PLAAT3: variants seen among roughly 807,000 people sequenced by gnomAD.
PLAAT3 encodes the protein Ca-independent phospholipase A1/2.
PLAAT3 carries 21 observed loss-of-function variants against 16.7 expected under a neutral mutation model. The ratio of observed to expected loss-of-function variants is 1.26; its 90% CI spans 0.89 to 1.81. PLAAT3 has a LOEUF of 1.81. Ranked by LOEUF, PLAAT3 falls within the 40% of genes most tolerant of loss-of-function variation. PLAAT3 has a pLI of 0.00. For synonymous variants in PLAAT3, 76 were observed against 81.7 expected (o/e 0.93, Z 0.38); for missense variants, 219 against 213.7 (o/e 1.02, Z -0.16).
At chr11:63,595,576 A>AGAAT (rs1180087271) in intron 3 of PLAAT3, among the ~76,000 whole-genome samples, 1 of 152,192 alleles carries the variant, frequency 6.6e-6, no homozygotes, top group Non-Finnish European at 1.5e-5. Context: ...AGGAAAAGCT[A>AGAAT]GAATGATGGT....
chr11:63,604,331 A>T (rs1270389230), intron 2 of PLAAT3, among the ~76,000 whole-genome samples: 1 of 152,160 alleles, frequency 6.6e-6, no homozygotes, highest in Non-Finnish European at 1.5e-5. Flanking sequence ...CTTTGACAAT[A>T]AAAATGTTAA....
chr11:63,605,608 A>G (rs910813598), intron 2 of PLAAT3, among the ~76,000 whole-genome samples: 5 of 151,768 alleles, frequency 3.3e-5, no homozygotes, highest in Non-Finnish European at 4.4e-5. Flanking sequence ...GCTGGAGTGC[A>G]GTGGCGCGAT....
At chr11:63,609,921 AC>A (rs1181555499) in intron 2 of PLAAT3, among the ~76,000 whole-genome samples, 1 of 151,288 alleles carries the variant, frequency 6.6e-6, no homozygotes, top group Non-Finnish European at 1.5e-5. Flanking sequence ...CCCTCTACTC[AC>A]CCCCACCACT....
chr11:63,578,227 G>A (rs1937678966), intron 4 of PLAAT3, among the ~76,000 whole-genome samples: 1 of 151,822 alleles, frequency 6.6e-6, no homozygotes, highest in Admixed American at 6.6e-5. Context: ...AGGTTGCAGT[G>A]AGCTGAGATG....
intron 3 of PLAAT3, among the ~76,000 whole-genome samples, chr11:63,591,740 G>C (rs1387981720): frequency 6.6e-6 from 1 of 152,248 alleles, no homozygotes; most frequent in Admixed American, 6.5e-5. Flanking sequence ...CGTGAAGCTT[G>C]GAAGATTCAT....
At chr11:63,605,971 T>A (rs984267943) in intron 2 of PLAAT3, among the ~76,000 whole-genome samples, 1 of 152,160 alleles carries the variant, frequency 6.6e-6, no homozygotes, top group South Asian at 2.1e-4. Flanking sequence ...GGTTCCTGAC[T>A]CCAAGCCTGC....
intron 4 of PLAAT3, among the ~76,000 whole-genome samples, chr11:63,575,982 C>T (rs1033327925): frequency 3.9e-5 from 6 of 152,112 alleles, no homozygotes; most frequent in South Asian, 2.1e-4. Flanking sequence ...GCCTAGAAAC[C>T]TAGAAGCACA....
chr11:63,588,745 A>G (rs1038818380), intron 4 of PLAAT3, among the ~76,000 whole-genome samples: 1 of 152,218 alleles, frequency 6.6e-6, no homozygotes, highest in African/African-American at 2.4e-5. Flanking sequence ...GAATAACCCA[A>G]CTGATCGAAG....
At position 63,590,398 on chromosome 11, in the gene PLAAT3, A is replaced by T. The variant is rs73490191; in HGVS notation, c.119-30T>A. ...AGATCCACAAAGAGGAAACAGAGGG[A>T]TTGGTCCTGGGAAGGGCCACGGAGG... On this transcript the variant is annotated intron_variant, in intron 3 of 4. Transcript: ENST00000415826. 3,003 of 1,609,288 alleles carry T rather than the reference A, an allele frequency of 1.9e-3. 51 individuals are homozygous for T. In the African/African-American group the frequency reaches 0.033, roughly 18 times the overall value.
upstream of PLAAT3, among the ~76,000 whole-genome samples, chr11:63,615,168 G>GTGTATATA (rs1938821745): frequency 5.6e-5 from 2 of 35,960 alleles, 1 homozygote; most frequent in African/African-American, 1.0e-4. Context: ...GTGTATATAT[G>GTGTATATA]TGTGTATATG....
Position 63,600,048 on chromosome 11 carries a change from G to A in PLAAT3, c.16-1885C>T, listed in dbSNP as rs1160476919. Among the ~76,000 whole-genome samples the A allele has an allele frequency of 4.6e-5, 7 of 151,948 alleles. No homozygotes were observed. The East Asian group carries it at 1.4e-3, about 29-fold the overall frequency. Reference sequence around the variant, plus strand: ...CAGGCTGGAGTGTAGTGGCATGATCGTGGCTCACTGCAGCCTCAACCTCCC... The same window carrying A: ...CAGGCTGGAGTGTAGTGGCATGATCATGGCTCACTGCAGCCTCAACCTCCC... On this transcript the variant is annotated intron_variant, in intron 2 of 4. Coordinates refer to ENST00000415826, the MANE Select transcript of PLAAT3 (RefSeq NM_001128203.2).
rs1416083210 is a variant in PLAAT3, at chr11:63,587,915, T to C, written c.387+2185A>G. The stretch of plus-strand genomic sequence containing the variant: ...GATGACAGCAATGCCTCATCAAGTG[T>C]GACAAGAGACAAATGTGGCCGGGCA... On this transcript the variant is annotated intron_variant, in intron 4 of 4. Transcript: ENST00000415826. Among the ~76,000 whole-genome samples, 3 of 152,052 alleles carry C rather than the reference T, an allele frequency of 2.0e-5. No individual in the cohort carries two copies. In the East Asian group the frequency reaches 5.8e-4, roughly 29 times the overall value.
intron 2 of PLAAT3, among the ~76,000 whole-genome samples, chr11:63,600,629 C>T (rs981700480): frequency 2.9e-5 from 4 of 139,748 alleles, no homozygotes; most frequent in Non-Finnish European, 6.0e-5. Context: ...TTGAGACAGA[C>T]TCTCGCTCTG....
At chr11:63,606,462 A>ACACACACACACACC (rs945885416) in intron 2 of PLAAT3, among the ~76,000 whole-genome samples, 2 of 136,498 alleles carry the variant, frequency 1.5e-5, no homozygotes, top group African/African-American at 3.1e-5. Flanking sequence ...ACACACACAC[A>ACACACACACACACC]CCTTAGTAAA....
intron 2 of PLAAT3, among the ~76,000 whole-genome samples, chr11:63,605,660 C>T (rs1938536646): frequency 6.6e-6 from 1 of 151,962 alleles, no homozygotes; most frequent in Admixed American, 6.5e-5. Context: ...TCACGCCATT[C>T]TCCTGCCTCA....
At chr11:63,592,021 G>A (rs755267841) in intron 3 of PLAAT3, among the ~76,000 whole-genome samples, 7 of 152,142 alleles carry the variant, frequency 4.6e-5, no homozygotes, top group East Asian at 1.9e-4. Context: ...TCAAGCTGGC[G>A]GTGAGAAGCT....
intron 3 of PLAAT3, among the ~76,000 whole-genome samples, chr11:63,594,029 G>A (rs953267737): frequency 6.6e-6 from 1 of 152,208 alleles, no homozygotes; most frequent in African/African-American, 2.4e-5. Flanking sequence ...AGTGGGGATG[G>A]TAAGAAGTGG....
intron 3 of PLAAT3, among the ~76,000 whole-genome samples, chr11:63,596,165 C>G (rs950739604): frequency 1.0e-4 from 15 of 147,954 alleles, no homozygotes; most frequent in Non-Finnish European, 2.1e-4. Context: ...GGCGTGAACC[C>G]GGAGGCAGAG....
intron 3 of PLAAT3, among the ~76,000 whole-genome samples, chr11:63,593,799 CA>C (rs1938212836): frequency 6.6e-6 from 1 of 152,170 alleles, no homozygotes; most frequent in Non-Finnish European, 1.5e-5. Flanking sequence ...AGGCTGGTCT[CA>C]AACTCCTGAT....
Sources: allele counts gnomAD v4.1 joint callset (sites outside exome capture counted in the v4.1 genomes callset), GRCh38; gene constraint gnomAD v4.1.1; transcripts MANE v1.5; gene names NCBI Gene and HGNC (gene_info 2026-07-23, HGNC 2026-07-21).